Variants in PKLR observed in about 807,000 individuals in gnomAD.
PKLR encodes the protein pyruvate kinase PKLR.
Under a neutral mutation model 53.6 loss-of-function variants are expected in PKLR, and 38 were observed. The observed-to-expected ratio is 0.71, with a 90% CI of 0.55 to 0.93. The LOEUF (loss-of-function observed/expected upper bound fraction) is 0.93. Among genes scored for constraint, PKLR ranks in the 40% least tolerant of loss-of-function variants. The pLI is 0.00. For synonymous variants in PKLR, 328 were observed against 316.2 expected, an observed-to-expected ratio of 1.04 and a Z score of -0.39; for missense variants, 702 against 787.3, an observed-to-expected ratio of 0.89 and a Z score of 1.30.
At chr1:155,298,986 CT>C (rs1201831183) in intron 2 of PKLR, among the ~76,000 whole-genome samples, 1 of 91,810 alleles carries the variant, frequency 1.1e-5, no homozygotes, top group Non-Finnish European at 2.0e-5. Context: ...TTCTTTCTTT[CT>C]TTCTTTCTTT....
At chr1:155,308,055 C>CTTTTTTT in the PKLR span, among the ~76,000 whole-genome samples, 1 of 123,798 alleles carries the variant, frequency 8.1e-6, no homozygotes, top group Non-Finnish European at 1.7e-5. Flanking sequence ...TGAGACTCAT[C>CTTTTTTT]TTTTTTTTTT....
upstream of PKLR, chr1:155,301,502 C>A: frequency 1.4e-6 from 2 of 1,450,020 alleles, no homozygotes; most frequent in East Asian, 2.3e-5. Flanking sequence ...GGGGCACACC[C>A]AGTAGGCCAC....
chr1:155,289,403 G>C lies in PKLR; in HGVS notation c.*1169C>G, dbSNP rs905038486. 2 of 152,142 alleles carry C rather than the reference G, an allele frequency of 1.3e-5. No homozygotes were observed. Among genetic ancestry groups the C allele is most frequent in the Non-Finnish European group, 2.9e-5 (2 of 68,048 alleles). 9.4% of individuals were successfully genotyped at this position (152,142 alleles called of 1,614,324 possible). A position where few individuals can be genotyped will look rare whatever the true frequency, so the allele number is the denominator to read the frequency against. ...CCCTCCTTTTCAGGTAAGGAGACAG[G>C]AGGAGTAGGAGGAGGCAGGGCCTCT... On this transcript the variant is annotated 3_prime_UTR_variant, in exon 11 of 11. Coordinates refer to ENST00000342741, the MANE Select transcript of PKLR (RefSeq NM_000298.6).
upstream of PKLR, among the ~76,000 whole-genome samples, chr1:155,302,849 T>A (rs1648101656): frequency 6.6e-6 from 1 of 152,088 alleles, no homozygotes. Context: ...CTTTTTAAAT[T>A]TTTATTTATT....
intron 10 of PKLR, among the ~76,000 whole-genome samples, chr1:155,291,249 G>A (rs1262135392): frequency 6.6e-6 from 1 of 152,008 alleles, no homozygotes; most frequent in African/African-American, 2.4e-5. Context: ...TGTAATCCCA[G>A]CACTCTGGGA....
chr1:155,296,405 C>T (rs946298112), intron 2 of PKLR, among the ~76,000 whole-genome samples: 2 of 151,970 alleles, frequency 1.3e-5, no homozygotes, highest in African/African-American at 4.8e-5. Flanking sequence ...TGCAGTGGCA[C>T]CATCTCAGCT....
In PKLR at chr1:155,294,385, C is replaced by G. The variant is rs763964110; in HGVS notation, c.966G>C (p.Arg322Ser). ...SKIENHEGVK[R>S]FDEILEVSDG... ...CGCTCACCTCCAGGATTTCATCAAA[C>G]CTGAGAGGTTGGGAGAATCAAGGCA... Residue 322 changes from arginine (R) to serine (S), a missense_variant and splice_region_variant, in exon 7 of 11, where the codon AGG becomes AGC. Transcript: ENST00000342741. The G allele has an allele frequency of 6.2e-7, 1 of 1,614,160 alleles. No homozygotes were observed. Among genetic ancestry groups the G allele is most frequent in the Non-Finnish European group, 8.5e-7 (1 of 1,180,026 alleles).
chr1:155,296,978 C>T (rs1199458184), intron 2 of PKLR, among the ~76,000 whole-genome samples: 2 of 152,176 alleles, frequency 1.3e-5, no homozygotes, highest in Non-Finnish European at 2.9e-5. Flanking sequence ...CCTGAACATA[C>T]ATCCTTCTTT....
Position 155,295,154 on chromosome 1 carries a change from A to G in PKLR, c.656T>C (p.Ile219Thr), listed in dbSNP as rs200572803. ...CACTAGGGAGATGAGCCCGTCGTCAATGTAGATGCGGCCCCCCACCGGCAC... is the reference window on the plus strand; with the variant it reads ...CACTAGGGAGATGAGCCCGTCGTCAGTGTAGATGCGGCCCCCCACCGGCAC... ...RVVPVGGRIY[I>T]DDGLISLVVQ... The change falls in exon 5 of 11, where the codon ATT becomes ACT. Residue 219 changes from isoleucine to threonine, a missense_variant. Coordinates refer to ENST00000342741, the MANE Select transcript of PKLR (RefSeq NM_000298.6). The surrounding 1 kb of genome is among the most constrained non-coding windows in gnomAD (Gnocchi z 4.3). 2.0e-5 allele frequency: 32 copies of G among 1,613,944 alleles called. No homozygotes were observed. Among genetic ancestry groups the G allele is most frequent in the Non-Finnish European group, 1.9e-5 (22 of 1,179,974 alleles).
chr1:155,294,890 G>A (rs2148206103), intron 5 of PKLR, 138 bp from the exon 6 acceptor site: 3 of 1,227,162 alleles, frequency 2.4e-6, no homozygotes, highest in Non-Finnish European at 3.5e-6. Context: ...TCTGGGCTTC[G>A]CCCGGAAGAG....
At position 155,290,551 on chromosome 1, in the gene PKLR, G is replaced by A; in HGVS notation, c.*21C>T. On this transcript the variant is annotated 3_prime_UTR_variant, in exon 11 of 11. Transcript: ENST00000342741. Reference sequence around the variant, plus strand: ...GGGATGGGGTACAAGGGTAGGCTGGGCCAGAGGAGGGAGGGGCGTCTCAGG... The same window carrying A: ...GGGATGGGGTACAAGGGTAGGCTGGACCAGAGGAGGGAGGGGCGTCTCAGG... The A allele has an allele frequency of 6.9e-7, 1 of 1,454,730 alleles. No homozygotes were observed. The highest frequency in any genetic ancestry group is 9.7e-7 in the Non-Finnish European group (1 of 1,036,066). The allele number at this position is 1,454,730 out of a possible 1,614,324, so 90.1% of individuals were successfully genotyped here.
chr1:155,305,374 C>A (rs1397507455), upstream of PKLR, among the ~76,000 whole-genome samples: 1 of 152,164 alleles, frequency 6.6e-6, no homozygotes, highest in East Asian at 1.9e-4. Flanking sequence ...AGCTCCATGC[C>A]TGCCCCTTGG....
chr1:155,295,389 C>T lies in PKLR; in HGVS notation c.507+48G>A, dbSNP rs1245151352. 2.5e-6 allele frequency: 4 copies of T among 1,612,544 alleles called. No individual in the cohort carries two copies. Among genetic ancestry groups the T allele is most frequent in the African/African-American group, 1.3e-5 (1 of 74,888 alleles). ...CCACGCCTGGGCCCAACCCTACAGG[C>T]GCCGCCTTTCCGGCCCTGGCCCAGC... On this transcript the variant is annotated intron_variant, in intron 4 of 10. Transcript: ENST00000342741. The surrounding 1 kb of genome is among the most constrained non-coding windows in gnomAD (Gnocchi z 4.3).
At chr1:155,308,424 A>G in the PKLR span, 1 of 362,082 alleles carries the variant, frequency 2.8e-6, no homozygotes, top group African/African-American at 2.2e-5. Context: ...TCATGGTATT[A>G]CCACCCTCAT....
upstream of PKLR, chr1:155,301,439 G>T: frequency 6.2e-7 from 1 of 1,613,894 alleles, no homozygotes; most frequent in Non-Finnish European, 8.5e-7. Flanking sequence ...GGAATGAGAG[G>T]GAGAGGATGA....
chr1:155,290,714 T>G (rs1290440172), intron 10 of PKLR, 36 bp from the exon 11 acceptor site: 2 of 1,286,318 alleles, frequency 1.6e-6, no homozygotes, highest in Non-Finnish European at 2.3e-6. Context: ...ATTGGACAGG[T>G]GTGGTGGCTC....
chr1:155,293,472 T>G lies in PKLR; in HGVS notation c.1235A>C (p.Asn412Thr), dbSNP rs774006353. The change falls in exon 8 of 11, where the codon AAC becomes ACC. Residue 412 changes from asparagine (N) to threonine (T), a missense_variant. Physicochemically the swap from Asn to Thr is moderately conservative, Grantham distance 65 (BLOSUM62 0). This residue lies in a region of PKLR where 183 missense variants were observed against 250.2 expected (regional missense o/e 0.73). Coordinates refer to ENST00000342741, the MANE Select transcript of PKLR (RefSeq NM_000298.6). This position sits in a 1 kb window ranked among gnomAD's most constrained non-coding sequence, Gnocchi z 4.2. Reference protein sequence around the residue: ...IMLSGETAKGNFPVEAVKMQH... With the variant: ...IMLSGETAKGTFPVEAVKMQH... Reference sequence around the variant, plus strand: ...CATCTTCACCGCTTCCACAGGGAAGTTGCCCTTGGCAGTCTCCCCTGACAG... The same window carrying G: ...CATCTTCACCGCTTCCACAGGGAAGGTGCCCTTGGCAGTCTCCCCTGACAG... 13 of 1,614,118 alleles carry G rather than the reference T, an allele frequency of 8.1e-6. No individual in the cohort carries two copies. Among genetic ancestry groups the G allele is most frequent in the Admixed American group, 1.7e-5 (1 of 60,010 alleles).
rs8177994 is a variant in PKLR at position 155,290,558 on chromosome 1, G to C, written c.*14C>G. On this transcript the variant is annotated 3_prime_UTR_variant, in exon 11 of 11. Transcript: ENST00000342741. ...GGTACAAGGGTAGGCTGGGCCAGAG[G>C]AGGGAGGGGCGTCTCAGGATATGCT... The C allele has an allele frequency of 3.2e-5, 48 of 1,521,998 alleles. No homozygotes were observed. In the Admixed American group the frequency reaches 4.5e-4, roughly 14 times the overall value. The allele number at this position is 1,521,998 out of a possible 1,614,324, so 94.3% of individuals were successfully genotyped here.
the PKLR span, chr1:155,308,420 T>TA: frequency 3.0e-6 from 1 of 334,632 alleles, no homozygotes; most frequent in African/African-American, 2.2e-5. Flanking sequence ...TACCTCATGG[T>TA]ATTACCACCC....
Sources: allele counts gnomAD v4.1 joint callset (sites outside exome capture counted in the v4.1 genomes callset), GRCh38; gene constraint gnomAD v4.1.1; regional missense constraint gnomAD v4.1.1; non-coding constraint Gnocchi (gnomAD v3.1); transcripts MANE v1.5; gene names NCBI Gene and HGNC (gene_info 2026-07-23, HGNC 2026-07-21).